The following SCUBE1 variants were observed in gnomAD, a reference collection of about 807,000 sequenced individuals.
The protein encoded by SCUBE1 is signal peptide, CUB domain and EGF like domain containing 1, also known as signal peptide, CUB and EGF-like domain-containing protein 1.
SCUBE1 carries 59 observed loss-of-function variants against 124.4 expected under a neutral mutation model. That is an observed-to-expected ratio of 0.47 (90% CI 0.38 to 0.59). The LOEUF (loss-of-function observed/expected upper bound fraction) is 0.59, where lower values mean the gene tolerates loss of function less well. SCUBE1 is among the 20% of genes least tolerant of loss of function. SCUBE1 has a pLI of 0.00. For synonymous variants in SCUBE1, 545 were observed against 550.9 expected (o/e 0.99, Z 0.15); for missense variants, 1,150 against 1,371.2 (o/e 0.84, Z 2.55).
chr22:43,247,998 C>T (rs1923285208), intron 6 of SCUBE1, among the ~76,000 whole-genome samples: 1 of 152,180 alleles, frequency 6.6e-6, no homozygotes, highest in Admixed American at 6.5e-5. Context: ...AGACCAGCGG[C>T]CAAGAAACCT....
At chr22:43,254,636 G>A (rs1468566551) in intron 6 of SCUBE1, among the ~76,000 whole-genome samples, 2 of 152,166 alleles carry the variant, frequency 1.3e-5, no homozygotes, top group African/African-American at 4.8e-5. Context: ...TGGAGACCGC[G>A]CTACCTGACC....
At position 43,211,070 on chromosome 22, in the gene SCUBE1, G is replaced by A. The variant is rs145294826; in HGVS notation, c.2235C>T (p.Pro745=). The part of the protein sequence containing the change: ...QDCEAKVHCS[P]GHHYNTTTHR... The stretch of plus-strand genomic sequence containing the variant: ...GGGTGGTGGTGTTGTAGTGGTGGCC[G>A]GGGGAGCAGTGCACTGCCGGGGGAC... The change falls in exon 18 of 22, where the codon CCC becomes CCT. Residue 745 remains proline (P), a synonymous_variant. Coordinates refer to ENST00000360835, the MANE Select transcript of SCUBE1 (RefSeq NM_173050.5). This position sits in a 1 kb window ranked among gnomAD's most constrained non-coding sequence, Gnocchi z 4.5. The A allele has an allele frequency of 8.7e-6, 14 of 1,610,688 alleles. No homozygotes were observed. The highest frequency in any genetic ancestry group is 5.3e-5 in the African/African-American group (4 of 74,876).
intron 15 of SCUBE1, among the ~76,000 whole-genome samples, chr22:43,215,509 A>G (rs1921770838): frequency 6.6e-6 from 1 of 152,238 alleles, no homozygotes; most frequent in Admixed American, 6.5e-5. Context: ...CTCAGAAAAC[A>G]CTCATCAATC....
chr22:43,285,836 G>C (rs77542650), intron 4 of SCUBE1, among the ~76,000 whole-genome samples: 4,504 of 152,338 alleles, frequency 0.03, 225 homozygotes, highest in African/African-American at 0.1. Flanking sequence ...CGGGAGCTCA[G>C]CCGATGAATG....
chr22:43,277,968 G>C (rs1278090819), intron 4 of SCUBE1, among the ~76,000 whole-genome samples: 1 of 152,272 alleles, frequency 6.6e-6, no homozygotes, highest in East Asian at 1.9e-4. Flanking sequence ...TGGGAGATTT[G>C]AAAGTTCTGC....
chr22:43,295,237 G>A (rs1282615431), intron 3 of SCUBE1, among the ~76,000 whole-genome samples: 1 of 152,154 alleles, frequency 6.6e-6, no homozygotes, highest in Non-Finnish European at 1.5e-5. Flanking sequence ...CTCCTCCTCC[G>A]TGTAGTCTTT....
intron 7 of SCUBE1, chr22:43,238,337 G>C: frequency 4.5e-6 from 1 of 221,568 alleles, no homozygotes; most frequent in Non-Finnish European, 8.9e-6. Flanking sequence ...CGCCCCCCTA[G>C]TAGTGACACA....
At position 43,229,202 on chromosome 22, in the gene SCUBE1, G is replaced by C. The variant is rs774526568; in HGVS notation, c.968-14C>G. On this transcript the variant is annotated splice_polypyrimidine_tract_variant and intron_variant, in intron 8 of 21. Coordinates refer to ENST00000360835, the MANE Select transcript of SCUBE1 (RefSeq NM_173050.5). Reference sequence around the variant, plus strand: ...ACTCGTCGATGTCTGCGTGGCCACAGGGAGACAAAGTTGGGGGAGGAGTTT... The same window carrying C: ...ACTCGTCGATGTCTGCGTGGCCACACGGAGACAAAGTTGGGGGAGGAGTTT... 1 of 1,578,730 alleles carries C rather than the reference G, an allele frequency of 6.3e-7. No homozygotes were observed. The highest frequency in any genetic ancestry group is 8.7e-7 in the Non-Finnish European group (1 of 1,148,020).
intron 6 of SCUBE1, among the ~76,000 whole-genome samples, chr22:43,249,281 C>T (rs776779995): frequency 5.0e-5 from 7 of 140,200 alleles, no homozygotes; most frequent in East Asian, 2.2e-4. Flanking sequence ...TGGAGATGGT[C>T]GCTGCAGAAG....
intron 4 of SCUBE1, among the ~76,000 whole-genome samples, chr22:43,284,458 C>T (rs990559534): frequency 4.6e-5 from 7 of 152,230 alleles, no homozygotes; most frequent in Admixed American, 1.3e-4. Context: ...CCTCAGGCCC[C>T]GCCTGAGTCT....
chr22:43,224,831 C>T (rs921367938), intron 10 of SCUBE1, among the ~76,000 whole-genome samples: 5 of 152,128 alleles, frequency 3.3e-5, no homozygotes, highest in Non-Finnish European at 7.3e-5. Context: ...CTGGTTATGC[C>T]AAGGCTGCAA....
intron 9 of SCUBE1, 59 bp from the exon 10 acceptor site, chr22:43,227,555 G>C: frequency 6.3e-7 from 1 of 1,588,840 alleles, no homozygotes; most frequent in Non-Finnish European, 8.5e-7. Context: ...GCTGGCAGGG[G>C]AAGGGACCAC....
In SCUBE1 at chr22:43,210,900, AC is replaced by A; in HGVS notation, c.2383+21del. 1.2e-6 allele frequency: 2 copies of A among 1,611,512 alleles called. No homozygotes were observed. The highest frequency in any genetic ancestry group is 2.7e-5 in the African/African-American group (2 of 74,694). On this transcript the variant is annotated intron_variant, in intron 18 of 21. Coordinates refer to ENST00000360835, the MANE Select transcript of SCUBE1 (RefSeq NM_173050.5). This position sits in a 1 kb window ranked among gnomAD's most constrained non-coding sequence, Gnocchi z 4.5. Reference sequence around the variant, plus strand: ...GCCCCTCCCGTGTTCCCAGCTTCCCACGGCAGAGCAGCAGCACCCACTTTTG... The same window carrying A: ...GCCCCTCCCGTGTTCCCAGCTTCCCAGGCAGAGCAGCAGCACCCACTTTTG...
At position 43,339,044 on chromosome 22, in the gene SCUBE1, G is replaced by A. The variant is rs1037547890; in HGVS notation, c.220+60C>T. The A allele has an allele frequency of 5.6e-6, 9 of 1,598,442 alleles. No individual in the cohort carries two copies. The African/African-American group carries it at 1.2e-4, about 21-fold the overall frequency. On this transcript the variant is annotated intron_variant, in intron 2 of 21. Coordinates refer to ENST00000360835, the MANE Select transcript of SCUBE1 (RefSeq NM_173050.5). ...CTGGTGATGAATGGGGCAGGCATCG[G>A]CCACCTACAGCAGCCCTGGCAGCCT...
chr22:43,326,278 C>T (rs965196975), intron 2 of SCUBE1, among the ~76,000 whole-genome samples: 9 of 152,168 alleles, frequency 5.9e-5, no homozygotes, highest in Middle Eastern at 3.2e-3. Context: ...GGCGCTAGCA[C>T]GTCCTCTCCT....
intron 2 of SCUBE1, among the ~76,000 whole-genome samples, chr22:43,326,399 G>T (rs1439769106): frequency 6.6e-6 from 1 of 152,012 alleles, no homozygotes; most frequent in East Asian, 1.9e-4. Flanking sequence ...ATCTTAATCC[G>T]GTTTGTTGGC....
intron 14 of SCUBE1, among the ~76,000 whole-genome samples, chr22:43,219,944 C>T (rs772268833): frequency 4.6e-5 from 7 of 152,112 alleles, no homozygotes; most frequent in Non-Finnish European, 7.3e-5. Flanking sequence ...CTTTCCACAG[C>T]GCCCAAGCCC....
intron 20 of SCUBE1, among the ~76,000 whole-genome samples, 197 bp downstream of exon 20, chr22:43,207,871 CCACT>C (rs1425718567): frequency 6.6e-6 from 1 of 152,226 alleles, no homozygotes; most frequent in Non-Finnish European, 1.5e-5. Flanking sequence ...CCTGCAGAGG[CCACT>C]AACCGCTGTC....
intron 6 of SCUBE1, among the ~76,000 whole-genome samples, chr22:43,256,480 G>C (rs1923664626): frequency 6.6e-6 from 1 of 152,176 alleles, no homozygotes; most frequent in Non-Finnish European, 1.5e-5. Flanking sequence ...TCTCTTCCTG[G>C]ACAGGAGTAG....
Sources: gnomAD v4.1 joint callset for allele counts (sites outside exome capture counted in the v4.1 genomes callset) on GRCh38, gnomAD v4.1.1 for gene constraint, Gnocchi (gnomAD v3.1) non-coding constraint, MANE v1.5 for transcripts, NCBI Gene and HGNC (gene_info 2026-07-23, HGNC 2026-07-21) for gene names.